The following SLC25A21 variants were observed in gnomAD, a reference collection of about 807,000 sequenced individuals.
SLC25A21 encodes the protein solute carrier family 25 member 21.
A neutral mutation model predicts 43.8 loss-of-function variants in SLC25A21; 47 were observed. The ratio of observed to expected loss-of-function variants is 1.07; its 90% CI spans 0.85 to 1.37. The LOEUF (loss-of-function observed/expected upper bound fraction) is 1.37, where lower values mean the gene tolerates loss of function less well. Among genes scored for constraint, SLC25A21 ranks in the 40% most tolerant of loss-of-function variants. The probability of loss-of-function intolerance (pLI) is 0.00; values close to 1 mark genes in which losing one functional copy is unlikely to be tolerated. For missense variants in SLC25A21, 352 were observed against 350.2 expected (o/e 1.00, Z -0.04); for synonymous variants, 131 against 121.3 (o/e 1.08, Z -0.52).
chr14:37,009,867 G>A (rs984413817), intron 1 of SLC25A21, among the ~76,000 whole-genome samples: 2 of 152,096 alleles, frequency 1.3e-5, no homozygotes, highest in African/African-American at 4.8e-5. Context: ...GAGAGACAGG[G>A]CTCAGGACAC....
At chr14:36,941,833 GTCTT>G (rs976032278) in intron 1 of SLC25A21, among the ~76,000 whole-genome samples, 1 of 151,812 alleles carries the variant, frequency 6.6e-6, no homozygotes, top group Non-Finnish European at 1.5e-5. Context: ...TGAAAATAGT[GTCTT>G]TATTTGAAAT....
chr14:37,159,252 AAG>A (rs1165727527), intron 1 of SLC25A21, among the ~76,000 whole-genome samples: 1 of 152,142 alleles, frequency 6.6e-6, no homozygotes, highest in Non-Finnish European at 1.5e-5. Flanking sequence ...GGAATCAAAA[AAG>A]AGGCAAAATA....
chr14:37,076,916 C>T (rs1156677431), intron 1 of SLC25A21, among the ~76,000 whole-genome samples: 1 of 152,172 alleles, frequency 6.6e-6, no homozygotes, highest in African/African-American at 2.4e-5. Context: ...ACTAATAAAG[C>T]AACGTCTCTC....
intron 1 of SLC25A21, among the ~76,000 whole-genome samples, chr14:37,124,833 C>T (rs1025453185): frequency 2.0e-5 from 3 of 152,142 alleles, no homozygotes; most frequent in African/African-American, 7.2e-5. Context: ...TGTGTGGCGC[C>T]GCCTACCTCT....
At chr14:36,812,095 A>G (rs1387187992) in intron 3 of SLC25A21, among the ~76,000 whole-genome samples, 3 of 152,182 alleles carry the variant, frequency 2.0e-5, no homozygotes, top group African/African-American at 7.2e-5. Flanking sequence ...AATCTAAGAG[A>G]AATGGGTAAA....
At chr14:37,129,950 GCA>G (rs1226239068) in intron 1 of SLC25A21, among the ~76,000 whole-genome samples, 1 of 151,782 alleles carries the variant, frequency 6.6e-6, no homozygotes, top group Non-Finnish European at 1.5e-5. Flanking sequence ...AATGCCTTTA[GCA>G]TTATGTTAAA....
chr14:36,801,330 T>C (rs1187467731), intron 3 of SLC25A21, among the ~76,000 whole-genome samples: 1 of 152,174 alleles, frequency 6.6e-6, no homozygotes, highest in African/African-American at 2.4e-5. Context: ...TTGGGCTCTC[T>C]TCTCAGCAAT....
At chr14:36,960,941 T>C (rs937135989) in intron 1 of SLC25A21, among the ~76,000 whole-genome samples, 3 of 152,210 alleles carry the variant, frequency 2.0e-5, no homozygotes, top group Admixed American at 6.5e-5. Context: ...ATGACCTAAT[T>C]GCTCATATGG....
chr14:37,114,175 G>A (rs886331769), intron 1 of SLC25A21, among the ~76,000 whole-genome samples: 4 of 152,234 alleles, frequency 2.6e-5, no homozygotes, highest in East Asian at 3.9e-4. Flanking sequence ...AATGGTCTCC[G>A]GGTTGGGTTT....
At chr14:36,900,962 T>C (rs867265007) in intron 1 of SLC25A21, among the ~76,000 whole-genome samples, 13 of 152,270 alleles carry the variant, frequency 8.5e-5, no homozygotes, top group African/African-American at 2.6e-4. Context: ...TGCATAAAAG[T>C]GTATCCCAAA....
At chr14:36,907,578 A>G (rs753481006) in intron 1 of SLC25A21, among the ~76,000 whole-genome samples, 1 of 152,176 alleles carries the variant, frequency 6.6e-6, no homozygotes, top group Non-Finnish European at 1.5e-5. Context: ...TTTGGTCTTT[A>G]TAAGATTCCC....
chr14:36,863,025 C>T (rs913835486), intron 2 of SLC25A21, among the ~76,000 whole-genome samples: 1 of 152,004 alleles, frequency 6.6e-6, no homozygotes, highest in Admixed American at 6.6e-5. Flanking sequence ...AAACCCTGAA[C>T]GGGGACTAGG....
At chr14:36,781,044 T>C (rs748812272) in intron 3 of SLC25A21, among the ~76,000 whole-genome samples, 6 of 152,180 alleles carry the variant, frequency 3.9e-5, no homozygotes, top group South Asian at 2.1e-4. Context: ...TTATATTCTT[T>C]TGAGGAATTG....
intron 2 of SLC25A21, among the ~76,000 whole-genome samples, chr14:36,820,870 C>T (rs189977791): frequency 2.0e-5 from 3 of 152,114 alleles, no homozygotes; most frequent in African/African-American, 7.2e-5. Flanking sequence ...GAATATTACA[C>T]GTGTTCCTCA....
At chr14:36,791,557 C>T (rs1373855248) in intron 3 of SLC25A21, among the ~76,000 whole-genome samples, 1 of 152,056 alleles carries the variant, frequency 6.6e-6, no homozygotes, top group Non-Finnish European at 1.5e-5. Flanking sequence ...TGAAAAGATA[C>T]TTTTTCAAAC....
chr14:36,697,593 C>T (rs1378927183), intron 7 of SLC25A21, among the ~76,000 whole-genome samples: 1 of 152,080 alleles, frequency 6.6e-6, no homozygotes, highest in Non-Finnish European at 1.5e-5. Flanking sequence ...TCTGGGTGCT[C>T]CTGTATTGGG....
At chr14:37,152,309 A>G (rs1963772021) in intron 1 of SLC25A21, among the ~76,000 whole-genome samples, 1 of 152,100 alleles carries the variant, frequency 6.6e-6, no homozygotes, top group Non-Finnish European at 1.5e-5. Flanking sequence ...AAGGTCTGAT[A>G]TTAGTTTCAA....
chr14:37,074,600 G>A (rs1594781018), intron 1 of SLC25A21, among the ~76,000 whole-genome samples: 1 of 152,172 alleles, frequency 6.6e-6, no homozygotes, highest in East Asian at 1.9e-4. Flanking sequence ...GGGAGGCCAA[G>A]GTGGATGGAT....
intron 1 of SLC25A21, among the ~76,000 whole-genome samples, chr14:37,005,685 T>TAC (rs149353792): frequency 0.023 from 3,489 of 150,334 alleles, 106 homozygotes; most frequent in African/African-American, 0.074. Context: ...CATGTGTAGA[T>TAC]ACACACACAC....
Sources: gnomAD v4.1 joint callset for allele counts (sites outside exome capture counted in the v4.1 genomes callset) on GRCh38, gnomAD v4.1.1 for gene constraint, MANE v1.5 for transcripts, NCBI Gene and HGNC (gene_info 2026-07-23, HGNC 2026-07-21) for gene names.